The following CAST variants were observed in gnomAD, a reference collection of about 807,000 sequenced individuals.
CAST encodes MIR583 host.
CAST carries 76 observed loss-of-function variants against 119.6 expected under a neutral mutation model. That is an observed-to-expected ratio of 0.64 (90% CI 0.53 to 0.77). The LOEUF is 0.77. CAST is among the 30% of genes least tolerant of loss of function. The pLI is 0.00. For missense variants in CAST, 953 were observed against 946.5 expected, an observed-to-expected ratio of 1.01 and a Z score of -0.09; for synonymous variants, 319 against 331.6, an observed-to-expected ratio of 0.96 and a Z score of 0.41.
chr5:96,675,501 T>A (rs920554404), intron 1 of CAST, 38 bp from the exon 2 acceptor site: 7 of 1,447,164 alleles, frequency 4.8e-6, no homozygotes, highest in Middle Eastern at 3.5e-4. Flanking sequence ...ATCTGTGTCA[T>A]CTTCCTTTAT....
chr5:96,556,890 T>C (rs1434358817), intron 1 of CAST, among the ~76,000 whole-genome samples: 1 of 151,918 alleles, frequency 6.6e-6, no homozygotes, highest in Non-Finnish European at 1.5e-5. Context: ...GAAGAGCAAC[T>C]CCAAGACACA....
In CAST at chr5:96,586,498, T is replaced by C. The variant is rs540554835; in HGVS notation, c.60+56618T>C. On this transcript the variant is annotated intron_variant, in intron 1 of 11. Transcript: ENST00000505143. ...GCCACAAGACAGAAGAGAAGCCACA[T>C]TTCCTATCCTGGGAGTTCAATGTAG... 2.0e-5 allele frequency among the ~76,000 whole-genome samples: 3 copies of C among 152,342 alleles called. No individual in the cohort carries two copies. In the South Asian group the frequency reaches 6.2e-4, roughly 32 times the overall value.
At chr5:96,107,266 A>G in the CAST span, among the ~76,000 whole-genome samples, 2 of 151,766 alleles carry the variant, frequency 1.3e-5, no homozygotes, top group African/African-American at 4.8e-5. Context: ...TCCTGTCATT[A>G]TGATGTTAGC....
At chr5:96,134,825 T>C in the CAST span, among the ~76,000 whole-genome samples, 1 of 152,176 alleles carries the variant, frequency 6.6e-6, no homozygotes, top group Non-Finnish European at 1.5e-5. Context: ...GTAGGAAGAA[T>C]AGCACATAAG....
At chr5:96,317,330 A>G in the CAST span, among the ~76,000 whole-genome samples, 5 of 142,482 alleles carry the variant, frequency 3.5e-5, no homozygotes, top group African/African-American at 1.4e-4. Flanking sequence ...AAAAAAAATT[A>G]GCTGGGCATG....
At chr5:96,557,535 GA>G (rs1561415724) in intron 1 of CAST, among the ~76,000 whole-genome samples, 1 of 150,128 alleles carries the variant, frequency 6.7e-6, no homozygotes, top group East Asian at 1.9e-4. Context: ...AATGGAAAAC[GA>G]AAAAAAGGCA....
chr5:96,184,533 G>A, the CAST span, among the ~76,000 whole-genome samples: 2 of 151,984 alleles, frequency 1.3e-5, no homozygotes, highest in African/African-American at 4.8e-5. Context: ...AGGCCCCAGT[G>A]TGTGTTGTTC....
intron 1 of CAST, among the ~76,000 whole-genome samples, chr5:96,555,939 G>A (rs1746229716): frequency 6.6e-6 from 1 of 152,082 alleles, no homozygotes; most frequent in Non-Finnish European, 1.5e-5. Flanking sequence ...CAAGTGAGTA[G>A]CCTAACTGGG....
intron 1 of CAST, among the ~76,000 whole-genome samples, chr5:96,570,960 T>G (rs753500334): frequency 2.6e-5 from 4 of 152,174 alleles, no homozygotes; most frequent in African/African-American, 9.7e-5. Context: ...GTTTGAACAC[T>G]GTTATGAATT....
At chr5:96,404,460 T>G in the CAST span, among the ~76,000 whole-genome samples, 1 of 152,244 alleles carries the variant, frequency 6.6e-6, no homozygotes, top group East Asian at 1.9e-4. Flanking sequence ...AAAGTATTTC[T>G]TTGTGCATAT....
the CAST span, among the ~76,000 whole-genome samples, chr5:96,317,983 CACA>C: frequency 6.6e-6 from 1 of 152,296 alleles, no homozygotes; most frequent in East Asian, 1.9e-4. Context: ...ATGCTGACCA[CACA>C]ACAACAGAAA....
chr5:96,025,311 C>T, the CAST span, among the ~76,000 whole-genome samples: 7 of 152,070 alleles, frequency 4.6e-5, no homozygotes, highest in Non-Finnish European at 4.4e-5. Flanking sequence ...CTTATCCTCA[C>T]CTGGTGGGAA....
chr5:96,431,036 C>G, the CAST span, among the ~76,000 whole-genome samples: 5 of 152,274 alleles, frequency 3.3e-5, no homozygotes, highest in African/African-American at 1.2e-4. Flanking sequence ...CAGTCTCCTC[C>G]TACACGGTTA....
chr5:96,548,400 G>A (rs1350656), intron 1 of CAST, among the ~76,000 whole-genome samples: 23,948 of 152,028 alleles, frequency 0.16, 2,300 homozygotes, highest in Middle Eastern at 0.22. Context: ...CAATACTCTA[G>A]TAAATTGCCC....
the CAST span, among the ~76,000 whole-genome samples, chr5:95,986,824 C>T: frequency 2.0e-5 from 3 of 152,156 alleles, no homozygotes; most frequent in Non-Finnish European, 4.4e-5. Flanking sequence ...TACTTTTATT[C>T]ATTTCACATT....
chr5:96,065,092 A>G, the CAST span, among the ~76,000 whole-genome samples: 1 of 152,164 alleles, frequency 6.6e-6, no homozygotes, highest in Admixed American at 6.5e-5. Flanking sequence ...GTATTGTTAA[A>G]AAGTCCCTGA....
intron 1 of CAST, among the ~76,000 whole-genome samples, chr5:96,617,609 G>A (rs1747489566): frequency 6.6e-6 from 1 of 151,462 alleles, no homozygotes; most frequent in Admixed American, 6.6e-5. Context: ...CTAACACAGT[G>A]AAACCCCGTC....
chr5:96,167,898 G>GAA, the CAST span, among the ~76,000 whole-genome samples: 1 of 152,116 alleles, frequency 6.6e-6, no homozygotes, highest in East Asian at 1.9e-4. Context: ...TGGGTGGGGG[G>GAA]GCCTGAACAA....
At chr5:96,598,563 G>A (rs1037405123) in intron 1 of CAST, among the ~76,000 whole-genome samples, 1 of 152,078 alleles carries the variant, frequency 6.6e-6, no homozygotes, top group Non-Finnish European at 1.5e-5. Context: ...GATCCCACAG[G>A]ACAAATCAAT....
Sources: gnomAD v4.1 joint callset for allele counts (sites outside exome capture counted in the v4.1 genomes callset) on GRCh38, gnomAD v4.1.1 for gene constraint, MANE v1.5 for transcripts, NCBI Gene and HGNC (gene_info 2026-07-23, HGNC 2026-07-21) for gene names.